DNAH7: variants seen among roughly 807,000 people sequenced by gnomAD.
The protein encoded by DNAH7 is axonemal beta dynein heavy chain 7.
Under a neutral mutation model 444.6 loss-of-function variants are expected in DNAH7, and 397 were observed. That is an observed-to-expected ratio of 0.89 (90% confidence interval 0.82 to 0.97). The LOEUF (loss-of-function observed/expected upper bound fraction) is 0.97, where lower values mean the gene tolerates loss of function less well. Among genes scored for constraint, DNAH7 ranks in the 50% least tolerant of loss-of-function variants. The pLI, the probability that DNAH7 is intolerant of heterozygous loss-of-function variation, is 0.00. For missense variants in DNAH7, 4,902 were observed against 4,800.8 expected, an observed-to-expected ratio of 1.02 and a Z score of -0.62; for synonymous variants, 1,636 against 1,624.4, an observed-to-expected ratio of 1.01 and a Z score of -0.17.
intron 12 of DNAH7, among the ~76,000 whole-genome samples, chr2:195,996,135 A>C (rs1244360634): frequency 6.6e-6 from 1 of 151,854 alleles, no homozygotes; most frequent in Admixed American, 6.5e-5. Flanking sequence ...ATATCATCAT[A>C]ATCTTTAAAC....
intron 8 of DNAH7, among the ~76,000 whole-genome samples, chr2:196,023,323 T>G (rs1257723048): frequency 6.6e-6 from 1 of 152,176 alleles, no homozygotes; most frequent in African/African-American, 2.4e-5. Context: ...GCAACATACT[T>G]CCTATAAAAC....
At chr2:195,814,995 G>A (rs1188952640) in intron 51 of DNAH7, among the ~76,000 whole-genome samples, 1 of 151,456 alleles carries the variant, frequency 6.6e-6, no homozygotes, top group Non-Finnish European at 1.5e-5. Flanking sequence ...GCTCATCTTG[G>A]CCTCCCAAAG....
chr2:195,953,403 GCA>G (rs1690406253), intron 19 of DNAH7, among the ~76,000 whole-genome samples: 1 of 152,212 alleles, frequency 6.6e-6, no homozygotes, highest in Non-Finnish European at 1.5e-5. Flanking sequence ...CAGTCAGGAG[GCA>G]CAGAGGTCAG....
At chr2:195,828,286 T>C (rs1418118148) in intron 48 of DNAH7, among the ~76,000 whole-genome samples, 1 of 152,162 alleles carries the variant, frequency 6.6e-6, no homozygotes, top group African/African-American at 2.4e-5. Context: ...AAACTTTCTT[T>C]TCAAATATTT....
Position 196,026,865 on chromosome 2 carries a change from C to G in DNAH7, c.562G>C (p.Val188Leu), listed in dbSNP as rs765456809. 1.2e-6 allele frequency: 2 copies of G among 1,612,196 alleles called. No individual in the cohort carries two copies. Among genetic ancestry groups the G allele is most frequent in the East Asian group, 2.2e-5 (1 of 44,746 alleles). ...APMEDSWLEH[V>L]LDLVPQHLKV... ...AGATGTTGTGGAACTAAATCCAGTA[C>G]GTGTTCTAGCCAAGAATCTTCCATT... is the stretch of plus-strand genomic sequence containing the variant. The change falls in exon 7 of 65, where the codon GTA becomes CTA. Residue 188 changes from valine to leucine, a missense_variant. Val to Leu is a conservative substitution (Grantham distance 32). Transcript: ENST00000312428.
intron 1 of DNAH7, among the ~76,000 whole-genome samples, chr2:196,067,396 T>C (rs1698484805): frequency 6.6e-6 from 1 of 152,218 alleles, no homozygotes. Context: ...ATTAATATCA[T>C]GTAGAAAAAA....
chr2:195,820,371 G>C (rs1450343547), intron 49 of DNAH7, among the ~76,000 whole-genome samples: 1 of 151,392 alleles, frequency 6.6e-6, no homozygotes, highest in Non-Finnish European at 1.5e-5. Context: ...TAGATGACGA[G>C]TTGATAGGTG....
At chr2:195,816,386 CTCTT>C (rs1050697078) in intron 51 of DNAH7, among the ~76,000 whole-genome samples, 1 of 152,142 alleles carries the variant, frequency 6.6e-6, no homozygotes, top group African/African-American at 2.4e-5. Context: ...TAAACGTTTT[CTCTT>C]TCTAGAATTA....
intron 64 of DNAH7, among the ~76,000 whole-genome samples, chr2:195,739,903 C>G (rs867666842): frequency 1.3e-5 from 2 of 152,114 alleles, no homozygotes; most frequent in African/African-American, 4.8e-5. Flanking sequence ...TATTTAGTAC[C>G]AGGTTTTTCA....
intron 35 of DNAH7, 50 bp downstream of exon 35, chr2:195,884,535 A>T: frequency 7.4e-7 from 1 of 1,359,476 alleles, no homozygotes. Context: ...TGTGTCAGAG[A>T]GGGGACTCTG....
intron 8 of DNAH7, 119 bp from the exon 9 acceptor site, chr2:196,019,414 TAAC>T (rs1695233561): frequency 1.4e-6 from 1 of 710,038 alleles, no homozygotes. Context: ...CTCATCATAA[TAAC>T]AAAACAAGCA....
At chr2:196,061,261 C>G (rs1034752606) in intron 1 of DNAH7, among the ~76,000 whole-genome samples, 14 of 152,060 alleles carry the variant, frequency 9.2e-5, no homozygotes, top group Non-Finnish European at 1.3e-4. Flanking sequence ...TGTTTCCTTT[C>G]TAATTGACCC....
At chr2:195,924,248 T>C (rs533937731) in intron 22 of DNAH7, among the ~76,000 whole-genome samples, 273 of 152,278 alleles carry the variant, frequency 1.8e-3, no homozygotes, top group Admixed American at 3.3e-3. Flanking sequence ...ACAAGCTGTC[T>C]TCTGCTCTAC....
intron 63 of DNAH7, among the ~76,000 whole-genome samples, chr2:195,742,861 C>T (rs544694140): frequency 5.9e-5 from 9 of 152,272 alleles, no homozygotes; most frequent in East Asian, 1.9e-4. Flanking sequence ...GATGCTGTGA[C>T]GATTAATATT....
intron 63 of DNAH7, 145 bp downstream of exon 63, chr2:195,754,192 T>C: frequency 1.2e-6 from 1 of 848,396 alleles, no homozygotes; most frequent in Non-Finnish European, 1.8e-6. Flanking sequence ...TTGCTCTCTG[T>C]ATCTCAATAA....
At chr2:195,942,135 G>A (rs1022420553) in intron 19 of DNAH7, among the ~76,000 whole-genome samples, 2 of 152,028 alleles carry the variant, frequency 1.3e-5, no homozygotes, top group African/African-American at 4.8e-5. Flanking sequence ...CTACAAAACA[G>A]AAAGAAGTGA....
intron 46 of DNAH7, among the ~76,000 whole-genome samples, chr2:195,849,758 T>C (rs1003001122): frequency 6.6e-6 from 1 of 152,080 alleles, no homozygotes; most frequent in Non-Finnish European, 1.5e-5. Flanking sequence ...CACACCACCA[T>C]GCCCGGATAA....
At chr2:195,841,008 A>G (rs899054431) in intron 47 of DNAH7, among the ~76,000 whole-genome samples, 14 of 151,982 alleles carry the variant, frequency 9.2e-5, no homozygotes, top group Non-Finnish European at 1.8e-4. Flanking sequence ...TGTGAAAGAT[A>G]TAATACCTGA....
chr2:195,907,387 G>A (rs2125293670), intron 25 of DNAH7, among the ~76,000 whole-genome samples: 1 of 152,154 alleles, frequency 6.6e-6, no homozygotes, highest in East Asian at 1.9e-4. Context: ...TCTGTTGCCA[G>A]TGAGACTGCC....
Sources: gnomAD v4.1 joint callset for allele counts (sites outside exome capture counted in the v4.1 genomes callset) on GRCh38, gnomAD v4.1.1 for gene constraint, MANE v1.5 for transcripts, NCBI Gene and HGNC (gene_info 2026-07-23, HGNC 2026-07-21) for gene names.